Variants in PRKDC observed in about 807,000 individuals in gnomAD.
PRKDC encodes the protein DNA-dependent protein kinase catalytic subunit.
A neutral mutation model predicts 486.9 loss-of-function variants in PRKDC; 82 were observed. The observed-to-expected ratio is 0.17, with a 90% CI of 0.14 to 0.20. The LOEUF (loss-of-function observed/expected upper bound fraction) is 0.20. PRKDC is among the 10% of genes least tolerant of loss of function. The probability of loss-of-function intolerance (pLI) is 1.00; values close to 1 mark genes in which losing one functional copy is unlikely to be tolerated. For synonymous variants in PRKDC, 1,895 were observed against 1,837.0 expected (o/e 1.03, Z -0.81); for missense variants, 4,504 against 5,038.2 (o/e 0.89, Z 3.21).
At position 47,849,258 on chromosome 8, in the gene PRKDC, C is replaced by T. The variant is rs1025398837; in HGVS notation, c.7176G>A (p.Val2392=). Residue 2392 remains valine, a synonymous_variant, in exon 54 of 86, where the codon GTG becomes GTA. Coordinates refer to ENST00000314191, the MANE Select transcript of PRKDC (RefSeq NM_006904.7). ...VFFLLPKFHG[V]LKTLCLEVVL... is the part of the protein sequence containing the mutation. ...CCACCTCCAGACAGAGTGTTTTCAA[C>T]ACTCCATGAAATTTTGGCAGCAGAA... 6.2e-7 allele frequency: 1 copy of T among 1,613,968 alleles called. No homozygotes were observed. The highest frequency in any genetic ancestry group is 8.5e-7 in the Non-Finnish European group (1 of 1,179,890).
In PRKDC at chr8:47,796,516, T is replaced by C. The variant is rs1369772258; in HGVS notation, c.10458+1721A>G. On this transcript the variant is annotated intron_variant, in intron 73 of 85. Transcript: ENST00000314191. ...CTCCCACCATTTTCTACTGGTCTAT[T>C]GTGACCATTTATTTTGTAGATTGCC... 3.3e-5 allele frequency among the ~76,000 whole-genome samples: 5 copies of C among 152,182 alleles called. No homozygotes were observed. The South Asian group carries it at 8.3e-4, about 25-fold the overall frequency.
chr8:47,911,926 C>T (rs188087263), intron 25 of PRKDC, among the ~76,000 whole-genome samples: 38 of 152,100 alleles, frequency 2.5e-4, no homozygotes, highest in Non-Finnish European at 4.3e-4. Context: ...CGCACCACCA[C>T]GCCTAGATAA....
Position 47,817,446 on chromosome 8 carries a change from T to C in PRKDC, c.9557+4A>G. The C allele has an allele frequency of 3.2e-6, 5 of 1,575,080 alleles. No homozygotes were observed. The highest frequency in any genetic ancestry group is 4.3e-6 in the Non-Finnish European group (5 of 1,151,554). ...ACATTTGACTGAAAGGGACCACGTC[T>C]TACCGATTTGTGATGATGTCATCCC... On this transcript the variant is annotated splice_donor_region_variant and intron_variant, in intron 68 of 85. Transcript: ENST00000314191.
rs759957211 is a variant in PRKDC, at chr8:47,778,680, G to A, written c.11652-20C>T. 2.5e-6 allele frequency: 4 copies of A among 1,613,308 alleles called. No individual in the cohort carries two copies. The South Asian group carries it at 3.3e-5, about 13-fold the overall frequency. On this transcript the variant is annotated intron_variant, in intron 82 of 85. Coordinates refer to ENST00000314191, the MANE Select transcript of PRKDC (RefSeq NM_006904.7). ...GCCCGCCTACAAAAGAGACACAGCT[G>A]TGCGGCTGCTGTGATCCCACTAAGG...
At chr8:47,875,187 G>A (rs1396269103) in intron 40 of PRKDC, among the ~76,000 whole-genome samples, 3 of 152,130 alleles carry the variant, frequency 2.0e-5, no homozygotes, top group African/African-American at 4.8e-5. Flanking sequence ...GGTAATTTAC[G>A]ACTTTCTATG....
At chr8:47,917,933 T>G (rs539626133) in intron 22 of PRKDC, among the ~76,000 whole-genome samples, 3 of 152,288 alleles carry the variant, frequency 2.0e-5, no homozygotes, top group Non-Finnish European at 4.4e-5. Flanking sequence ...CAGCCTCAAC[T>G]TCCTGGGCAC....
At chr8:47,870,207 T>C (rs1563776624) in intron 40 of PRKDC, among the ~76,000 whole-genome samples, 1 of 152,166 alleles carries the variant, frequency 6.6e-6, no homozygotes, top group Non-Finnish European at 1.5e-5. Flanking sequence ...AGCCAGGCAG[T>C]GGTCACTGAA....
At chr8:47,879,691 G>GA (rs774545176) in intron 38 of PRKDC, 33 bp from the exon 39 acceptor site, 3 of 1,482,882 alleles carry the variant, frequency 2.0e-6, no homozygotes, top group Non-Finnish European at 2.7e-6. Flanking sequence ...GAAACTGCAC[G>GA]AATTATGGCT....
At chr8:47,853,595 C>T (rs1472899974) in intron 51 of PRKDC, among the ~76,000 whole-genome samples, 1 of 152,168 alleles carries the variant, frequency 6.6e-6, no homozygotes, top group African/African-American at 2.4e-5. Flanking sequence ...GATGGTGCAG[C>T]CCAGCGTCTA....
intron 48 of PRKDC, among the ~76,000 whole-genome samples, chr8:47,858,300 A>T (rs201461211): frequency 6.6e-6 from 1 of 152,092 alleles, no homozygotes; most frequent in Non-Finnish European, 1.5e-5. Flanking sequence ...GTGAATTTAC[A>T]TATGTTAAAA....
chr8:47,922,449 G>GT (rs963738944), intron 21 of PRKDC, among the ~76,000 whole-genome samples: 1 of 148,896 alleles, frequency 6.7e-6, no homozygotes, highest in Non-Finnish European at 1.5e-5. Flanking sequence ...TCCAGCCTGG[G>GT]TAACAGAGCG....
At chr8:47,888,755 C>T (rs2154501782) in intron 33 of PRKDC, 105 bp from the exon 34 acceptor site, 1 of 1,399,458 alleles carries the variant, frequency 7.1e-7, no homozygotes, top group Non-Finnish European at 9.5e-7. Context: ...ACAGAGGCAA[C>T]ATCTAACAGG....
intron 54 of PRKDC, among the ~76,000 whole-genome samples, chr8:47,844,048 T>G (rs548807634): frequency 4.1e-4 from 63 of 152,288 alleles, no homozygotes; most frequent in African/African-American, 1.4e-3. Context: ...CATATCAATA[T>G]AAACCTTGAA....
chr8:47,931,992 G>A (rs529467153), intron 16 of PRKDC, among the ~76,000 whole-genome samples: 43 of 152,276 alleles, frequency 2.8e-4, no homozygotes, highest in African/African-American at 9.1e-4. Context: ...CCGGGTTCAC[G>A]CCATTCTCCT....
intron 46 of PRKDC, among the ~76,000 whole-genome samples, 152 bp downstream of exon 46, chr8:47,859,459 T>C (rs2088622554): frequency 6.6e-6 from 1 of 152,230 alleles, no homozygotes; most frequent in South Asian, 2.1e-4. Flanking sequence ...GGCTAGGAAT[T>C]AGATCTTGGA....
rs747681636 is a variant in PRKDC, at chr8:47,849,365, T to C, written c.7130+14A>G. 4 of 1,613,990 alleles carry C rather than the reference T, an allele frequency of 2.5e-6. No individual in the cohort carries two copies. In the Admixed American group the frequency reaches 6.7e-5, roughly 27 times the overall value. On this transcript the variant is annotated intron_variant, in intron 53 of 85. Transcript: ENST00000314191. ...GACCCTCCTGCCCCGAAAGGATCCC[T>C]GGACAGCCCATACCTGTCTGCAAGA...
Position 47,877,724 on chromosome 8 carries a change from C to A in PRKDC, c.5363G>T (p.Arg1788Met). Residue 1788 changes from arginine (R) to methionine (M), a missense_variant and splice_region_variant, in exon 40 of 86, where the codon AGG becomes ATG. Around this residue, in one of 6 missense-constraint regions of PRKDC, gnomAD observed 1,969 missense variants for 2,068.9 expected, o/e 0.95. Transcript: ENST00000314191. ...GAGATCCCAGGCCAGAATGACTTAC[C>A]TTCTGGCAATCCTCCTGAAACTGGA... ...FQSSFRRIAR[R>M]GSCVTQVGLL... is the part of the protein sequence containing the mutation. The A allele has an allele frequency of 5.1e-6, 8 of 1,583,272 alleles. No homozygotes were observed. The highest frequency in any genetic ancestry group is 6.9e-6 in the Non-Finnish European group (8 of 1,164,002).
intron 46 of PRKDC, 77 bp from the exon 47 acceptor site, chr8:47,859,063 T>C: frequency 1.3e-6 from 2 of 1,511,528 alleles, no homozygotes; most frequent in Non-Finnish European, 1.8e-6. Flanking sequence ...TGGGAGGCTC[T>C]TTCTGGGGCA....
chr8:47,927,990 C>A, intron 19 of PRKDC, 100 bp from the exon 20 acceptor site: 1 of 1,147,156 alleles, frequency 8.7e-7, no homozygotes, highest in Non-Finnish European at 1.1e-6. Flanking sequence ...AAAATTGGCA[C>A]GTAGCCTTTA....
Sources: allele counts gnomAD v4.1 joint callset (sites outside exome capture counted in the v4.1 genomes callset), GRCh38; gene constraint gnomAD v4.1.1; regional missense constraint gnomAD v4.1.1; transcripts MANE v1.5; gene names NCBI Gene and HGNC (gene_info 2026-07-23, HGNC 2026-07-21).